Variants in GMDS observed in about 807,000 individuals in gnomAD.
The protein encoded by GMDS is GDP-mannose 4,6 dehydratase.
GMDS carries 20 observed loss-of-function variants against 49.9 expected under a neutral mutation model. That is an observed-to-expected ratio of 0.40 (90% CI 0.28 to 0.58). The LOEUF is 0.58. GMDS is among the 20% of genes least tolerant of loss of function. GMDS has a pLI of 0.42. For missense variants in GMDS, 362 were observed against 481.4 expected (o/e 0.75, Z 2.32); for synonymous variants, 177 against 178.6 (o/e 0.99, Z 0.07).
At chr6:2,097,534 T>C (rs1773678006) in intron 4 of GMDS, among the ~76,000 whole-genome samples, 1 of 152,078 alleles carries the variant, frequency 6.6e-6, no homozygotes. Flanking sequence ...TCCACTGTTT[T>C]CCCCCCTTAA....
chr6:1,811,227 T>C (rs1770416621), intron 7 of GMDS, among the ~76,000 whole-genome samples: 1 of 152,232 alleles, frequency 6.6e-6, no homozygotes, highest in Non-Finnish European at 1.5e-5. Context: ...CTTTCACCCT[T>C]GTCAAAAAGA....
intron 4 of GMDS, among the ~76,000 whole-genome samples, chr6:2,044,991 A>T (rs1337178465): frequency 6.6e-6 from 1 of 152,148 alleles, no homozygotes; most frequent in Non-Finnish European, 1.5e-5. Flanking sequence ...CACAAAAATC[A>T]TCCATTCACT....
intron 1 of GMDS, among the ~76,000 whole-genome samples, chr6:2,196,284 T>C (rs1779272779): frequency 6.6e-6 from 1 of 152,260 alleles, no homozygotes; most frequent in South Asian, 2.1e-4. Context: ...TTTCCCTCAC[T>C]GCACTGATAA....
chr6:2,066,510 A>G (rs527454929), intron 4 of GMDS, among the ~76,000 whole-genome samples: 8,431 of 151,894 alleles, frequency 0.056, 783 homozygotes, highest in African/African-American at 0.19. Context: ...AGTGTGCTGT[A>G]TTCAGGAAAC....
chr6:2,171,454 A>G (rs1020065474), intron 1 of GMDS, among the ~76,000 whole-genome samples: 5 of 152,244 alleles, frequency 3.3e-5, no homozygotes, highest in Non-Finnish European at 7.3e-5. Flanking sequence ...GCAAAAATAA[A>G]TAAATAAATG....
chr6:1,933,937 T>C (rs1315120158), intron 6 of GMDS, among the ~76,000 whole-genome samples: 2 of 152,226 alleles, frequency 1.3e-5, no homozygotes, highest in African/African-American at 4.8e-5. Flanking sequence ...TGGTGTCATA[T>C]TCGAGAAGGC....
intron 9 of GMDS, among the ~76,000 whole-genome samples, chr6:1,710,022 C>T (rs1212939180): frequency 6.6e-6 from 1 of 152,180 alleles, no homozygotes; most frequent in African/African-American, 2.4e-5. Flanking sequence ...CATAAAACCC[C>T]AAACCATACA....
At chr6:1,670,487 A>G (rs1764386362) in intron 9 of GMDS, among the ~76,000 whole-genome samples, 1 of 151,982 alleles carries the variant, frequency 6.6e-6, no homozygotes, top group Non-Finnish European at 1.5e-5. Context: ...CATGAACGGT[A>G]ACTAATGCTG....
intron 1 of GMDS, among the ~76,000 whole-genome samples, chr6:2,177,809 C>A (rs943992212): frequency 2.0e-5 from 3 of 152,154 alleles, no homozygotes; most frequent in Non-Finnish European, 2.9e-5. Context: ...GAAAATAAAT[C>A]ATCCTACCAA....
intron 4 of GMDS, among the ~76,000 whole-genome samples, chr6:2,002,154 T>C (rs1380210206): frequency 1.3e-5 from 2 of 152,238 alleles, no homozygotes; most frequent in Non-Finnish European, 2.9e-5. Context: ...TGGAATCACA[T>C]TTCCTTTGTT....
At chr6:1,834,016 G>C (rs35646604) in intron 7 of GMDS, among the ~76,000 whole-genome samples, 1 of 152,052 alleles carries the variant, frequency 6.6e-6, no homozygotes, top group Non-Finnish European at 1.5e-5. Context: ...TCAGAGCTTA[G>C]GTTCTGGTTA....
Position 2,218,721 on chromosome 6 carries a change from T to G in GMDS, c.102+26600A>C, listed in dbSNP as rs1780449597. Among the ~76,000 whole-genome samples, 3 of 152,374 alleles carry G rather than the reference T, an allele frequency of 2.0e-5. No individual in the cohort carries two copies. In the South Asian group the frequency reaches 6.2e-4, roughly 32 times the overall value. ...CTTCTATATATCTTAATGTGCATTC[T>G]AAAGTATTTCAGATTACAATCACCA... On this transcript the variant is annotated intron_variant, in intron 1 of 10. Transcript: ENST00000380815.
At chr6:2,171,717 C>T (rs1778015511) in intron 1 of GMDS, among the ~76,000 whole-genome samples, 1 of 152,028 alleles carries the variant, frequency 6.6e-6, no homozygotes, top group East Asian at 1.9e-4. Context: ...AACTATTTAC[C>T]ACAGAAGCCA....
chr6:1,872,556 G>A (rs933628382), intron 7 of GMDS, among the ~76,000 whole-genome samples: 1 of 152,188 alleles, frequency 6.6e-6, no homozygotes, highest in Non-Finnish European at 1.5e-5. Context: ...TTGTGACAAC[G>A]TCCAAAAGGG....
chr6:2,175,893 T>G, intron 1 of GMDS: 3 of 1,068,950 alleles, frequency 2.8e-6, no homozygotes, highest in Non-Finnish European at 4.2e-6. Context: ...TGTGGCACTA[T>G]GATTAGCCCC....
At chr6:2,083,614 T>C (rs667256) in intron 4 of GMDS, among the ~76,000 whole-genome samples, 94,173 of 152,040 alleles carry the variant, frequency 0.62, 29,496 homozygotes, top group African/African-American at 0.71. Flanking sequence ...GACCCAAACA[T>C]CTTCTAGATA....
intron 6 of GMDS, among the ~76,000 whole-genome samples, chr6:1,945,261 A>G (rs1304864599): frequency 6.6e-6 from 1 of 151,974 alleles, no homozygotes; most frequent in East Asian, 1.9e-4. Context: ...GAGGTTCTTT[A>G]TAACTGTGGG....
At chr6:1,742,695 G>T (rs1767321281) in intron 7 of GMDS, 109 bp from the exon 8 acceptor site, 6 of 647,018 alleles carry the variant, frequency 9.3e-6, no homozygotes, top group Non-Finnish European at 1.7e-5. Context: ...ACATGAGCAT[G>T]AATTTCATAG....
At chr6:2,153,809 TACG>T (rs1446546064) in intron 1 of GMDS, among the ~76,000 whole-genome samples, 20 of 152,276 alleles carry the variant, frequency 1.3e-4, no homozygotes, top group Middle Eastern at 3.4e-3. Flanking sequence ...CTCAAAAATG[TACG>T]ACAAGTTATA....
Sources: gnomAD v4.1 joint callset for allele counts (sites outside exome capture counted in the v4.1 genomes callset) on GRCh38, gnomAD v4.1.1 for gene constraint, MANE v1.5 for transcripts, NCBI Gene and HGNC (gene_info 2026-07-23, HGNC 2026-07-21) for gene names.